The following FKBP5 variants were observed in gnomAD, a reference collection of about 807,000 sequenced individuals.
The protein encoded by FKBP5 is peptidyl-prolyl cis-trans isomerase FKBP5.
FKBP5 carries 23 observed loss-of-function variants against 50.5 expected under a neutral mutation model. That is an observed-to-expected ratio of 0.46 (90% CI 0.33 to 0.65). The LOEUF (loss-of-function observed/expected upper bound fraction) is 0.65. Among genes scored for constraint, FKBP5 ranks in the 30% least tolerant of loss-of-function variants. The pLI, the probability that FKBP5 is intolerant of heterozygous loss-of-function variation, is 0.02. For missense variants in FKBP5, 411 were observed against 553.1 expected, an observed-to-expected ratio of 0.74 and a Z score of 2.58; for synonymous variants, 176 against 190.6, an observed-to-expected ratio of 0.92 and a Z score of 0.63.
In FKBP5 at chr6:35,619,144, G is replaced by T. The variant is rs770984538; in HGVS notation, c.460C>A (p.Arg154=). The change falls in exon 5 of 11, where the codon CGG becomes AGG. Residue 154 remains arginine, a synonymous_variant. Coordinates refer to ENST00000357266, the MANE Select transcript of FKBP5 (RefSeq NM_004117.4). ...GGATTTGAATATCCCTCTCCTTTCC[G>T]TTTGGTTCTCCGGATAATGCCTCCA... ...EDGGIIRRTK[R]KGEGYSNPNE... The T allele has an allele frequency of 1.9e-6, 3 of 1,613,288 alleles. No homozygotes were observed. Among genetic ancestry groups the T allele is most frequent in the Non-Finnish European group, 8.5e-7 (1 of 1,179,752 alleles).
At chr6:35,708,494 T>C (rs916129296) in intron 2 of FKBP5, among the ~76,000 whole-genome samples, 11 of 152,092 alleles carry the variant, frequency 7.2e-5, no homozygotes, top group Non-Finnish European at 1.0e-4. Flanking sequence ...TCAGGTGATC[T>C]ACCCACCTTG....
At chr6:35,579,195 A>G (rs1017023913) in intron 9 of FKBP5, among the ~76,000 whole-genome samples, 1 of 152,138 alleles carries the variant, frequency 6.6e-6, no homozygotes, top group African/African-American at 2.4e-5. Context: ...GCTCTGTATG[A>G]AAAAAACGAA....
intron 1 of FKBP5, among the ~76,000 whole-genome samples, chr6:35,647,239 C>G (rs1764655045): frequency 6.6e-6 from 1 of 151,854 alleles, no homozygotes; most frequent in Non-Finnish European, 1.5e-5. Flanking sequence ...ACAAAAAAAC[C>G]CCAGAAAATA....
rs766400491 is a variant in FKBP5, at chr6:35,577,160, A to T, written c.1100T>A (p.Phe367Tyr). The T allele has an allele frequency of 2.5e-6, 4 of 1,614,120 alleles. No individual in the cohort carries two copies. Among genetic ancestry groups the T allele is most frequent in the Non-Finnish European group, 3.4e-6 (4 of 1,180,006 alleles). Reference protein sequence around the residue: ...RGEAQLLMNEFESAKGDFEKV... With the variant: ...RGEAQLLMNEYESAKGDFEKV... ...CTCAAAGTCACCCTTGGCTGACTCA[A>T]ACTCGTTCATGAGCAGCTGGGCTTC... The change falls in exon 10 of 11, where the codon TTT becomes TAT. Residue 367 changes from phenylalanine (F) to tyrosine (Y), a missense_variant. Physicochemically the swap from Phe to Tyr is conservative, Grantham distance 22. Coordinates refer to ENST00000357266, the MANE Select transcript of FKBP5 (RefSeq NM_004117.4).
At chr6:35,728,367 C>T (rs1766768016) in intron 1 of FKBP5, 1 of 152,284 alleles carries the variant, frequency 6.6e-6, no homozygotes, top group Admixed American at 6.5e-5. Context: ...CTTCTCGCCC[C>T]TCTATTAAAG....
chr6:35,586,310 T>C lies in FKBP5; in HGVS notation c.840+724A>G, dbSNP rs770696193. ...AGGGTTTCTGAGAAGCAATTTATGA[T>C]GAATATCATTCAGGAATATCCGGAG... On this transcript the variant is annotated intron_variant, in intron 8 of 10. Transcript: ENST00000357266. 5.7e-5 allele frequency: 56 copies of C among 985,172 alleles called. 1 individual carries two copies. Among genetic ancestry groups the C allele is most frequent in the Non-Finnish European group, 6.5e-5 (54 of 829,904 alleles). 61.0% of individuals were successfully genotyped at this position (985,172 alleles called of 1,614,324 possible).
chr6:35,681,678 G>C (rs1049660815), intron 1 of FKBP5, among the ~76,000 whole-genome samples: 1 of 151,730 alleles, frequency 6.6e-6, no homozygotes, highest in Admixed American at 6.6e-5. Flanking sequence ...TATTCCTCTT[G>C]GTACAATAAG....
chr6:35,706,885 ATATGG>A (rs1766326926), intron 2 of FKBP5, among the ~76,000 whole-genome samples: 1 of 152,264 alleles, frequency 6.6e-6, no homozygotes, highest in Non-Finnish European at 1.5e-5. Flanking sequence ...ATTTAAAAGA[ATATGG>A]TATGTATCTA....
At chr6:35,679,446 C>T (rs892634284) in intron 1 of FKBP5, among the ~76,000 whole-genome samples, 1 of 152,174 alleles carries the variant, frequency 6.6e-6, no homozygotes, top group Non-Finnish European at 1.5e-5. Context: ...ATGTTTATTA[C>T]ATGGAAGAAG....
chr6:35,716,463 G>A (rs1044430793), intron 2 of FKBP5, among the ~76,000 whole-genome samples: 17 of 152,148 alleles, frequency 1.1e-4, no homozygotes, highest in African/African-American at 3.9e-4. Flanking sequence ...TGGCCTCAGT[G>A]TGCAGCACGG....
intron 8 of FKBP5, chr6:35,581,975 G>A: frequency 1.0e-6 from 1 of 985,460 alleles, no homozygotes; most frequent in Non-Finnish European, 1.2e-6. Context: ...GGTCTAAGAG[G>A]ACATGCCTGT....
chr6:35,676,215 G>A (rs924277847), intron 1 of FKBP5, among the ~76,000 whole-genome samples: 2 of 152,108 alleles, frequency 1.3e-5, no homozygotes, highest in African/African-American at 4.8e-5. Flanking sequence ...TAAATTCAGT[G>A]GAGAAACATA....
At chr6:35,623,021 T>C (rs1441597952) in intron 3 of FKBP5, among the ~76,000 whole-genome samples, 1 of 152,174 alleles carries the variant, frequency 6.6e-6, no homozygotes, top group Non-Finnish European at 1.5e-5. Context: ...GGCGGGCGGA[T>C]CACAAAGTCA....
At chr6:35,609,999 A>C (rs1763440451) in intron 5 of FKBP5, among the ~76,000 whole-genome samples, 1 of 152,106 alleles carries the variant, frequency 6.6e-6, no homozygotes, top group Non-Finnish European at 1.5e-5. Context: ...GTCTGGCCGT[A>C]TTATAAAGGA....
intron 1 of FKBP5, among the ~76,000 whole-genome samples, chr6:35,726,874 A>C (rs962183823): frequency 6.6e-6 from 1 of 152,194 alleles, no homozygotes; most frequent in Non-Finnish European, 1.5e-5. Flanking sequence ...AGAGGGCTCA[A>C]AGAAGAAGCA....
intron 2 of FKBP5, among the ~76,000 whole-genome samples, chr6:35,705,240 ATATATATATATATATATATTTTTT>A (rs1766278340): frequency 2.8e-5 from 1 of 35,186 alleles, no homozygotes; most frequent in Admixed American, 2.0e-4. Context: ...ATATATATAT[ATATATATATATATATATATTTTTT>A]TTTTTTTTTT....
chr6:35,658,531 T>C (rs1765021489), intron 1 of FKBP5, among the ~76,000 whole-genome samples: 1 of 152,206 alleles, frequency 6.6e-6, no homozygotes, highest in Non-Finnish European at 1.5e-5. Context: ...AGATACCCTT[T>C]ATCATATTGA....
chr6:35,618,897 T>C (rs1355158882), intron 5 of FKBP5, among the ~76,000 whole-genome samples, 199 bp downstream of exon 5: 1 of 152,074 alleles, frequency 6.6e-6, no homozygotes, highest in Non-Finnish European at 1.5e-5. Flanking sequence ...GGTTTCGCCA[T>C]GCTGGCCAGG....
chr6:35,657,389 T>C (rs967885010), intron 1 of FKBP5, among the ~76,000 whole-genome samples: 1 of 152,202 alleles, frequency 6.6e-6, no homozygotes, highest in Non-Finnish European at 1.5e-5. Context: ...ACTCATCTCC[T>C]GGCTTTTTCC....
Sources: gnomAD v4.1 joint callset for allele counts (sites outside exome capture counted in the v4.1 genomes callset) on GRCh38, gnomAD v4.1.1 for gene constraint, MANE v1.5 for transcripts, NCBI Gene and HGNC (gene_info 2026-07-23, HGNC 2026-07-21) for gene names.